NAT10: variants seen among roughly 807,000 people sequenced by gnomAD.
NAT10 encodes RNA cytidine acetyltransferase.
In NAT10, 109 loss-of-function variants were observed where a neutral mutation model predicts 132.2. That is an observed-to-expected ratio of 0.82 (90% CI 0.71 to 0.97). The LOEUF (loss-of-function observed/expected upper bound fraction) is 0.97, where lower values mean the gene tolerates loss of function less well. Ranked by LOEUF, NAT10 falls within the 50% of genes least tolerant of loss-of-function variation. NAT10 has a pLI of 0.00. For synonymous variants in NAT10, 479 were observed against 478.0 expected, an observed-to-expected ratio of 1.00 and a Z score of -0.03; for missense variants, 1,184 against 1,263.4, an observed-to-expected ratio of 0.94 and a Z score of 0.95.
intron 11 of NAT10, among the ~76,000 whole-genome samples, chr11:34,126,389 C>T (rs1223895948): frequency 6.6e-6 from 1 of 152,188 alleles, no homozygotes; most frequent in Non-Finnish European, 1.5e-5. Context: ...CCTCCTTCAG[C>T]TTTCCTTTTT....
rs752348175 is a variant in NAT10 at position 34,124,394 on chromosome 11, T to C, written c.1101T>C (p.Thr367=). The C allele has an allele frequency of 6.2e-7, 1 of 1,612,812 alleles. No individual in the cohort carries two copies. Among genetic ancestry groups the C allele is most frequent in the South Asian group, 1.1e-5 (1 of 91,008 alleles). ...RVNVFREHRQ[T]IQYIHPADAV... ...ATGTATTTCGAGAACACAGGCAGAC[T>C]ATTCAGGTGAGGCTTGTTCTCAGAC... The change falls in exon 11 of 29, where the codon ACT becomes ACC. Residue 367 remains threonine (T), a synonymous_variant. Transcript: ENST00000257829.
intron 25 of NAT10, 39 bp downstream of exon 25, chr11:34,141,247 A>G: frequency 6.2e-7 from 1 of 1,612,098 alleles, no homozygotes; most frequent in East Asian, 2.2e-5. Flanking sequence ...ATGTCTCTCA[A>G]ATAGTGCAAC....
In NAT10 at chr11:34,113,916, T is replaced by A. The variant is rs987254552; in HGVS notation, c.495+78T>A. The A allele has an allele frequency of 1.7e-5, 26 of 1,554,982 alleles. No individual in the cohort carries two copies. In the African/African-American group the frequency reaches 3.3e-4, roughly 20 times the overall value. ...GCTGTGTTCTGCTTTCTTTAAAGAA[T>A]TCCTGTTGGGCAGCTCCAGTGAGTA... On this transcript the variant is annotated intron_variant, in intron 5 of 28. Coordinates refer to ENST00000257829, the MANE Select transcript of NAT10 (RefSeq NM_024662.3).
intron 25 of NAT10, among the ~76,000 whole-genome samples, chr11:34,141,426 A>G (rs922792550): frequency 2.0e-5 from 3 of 151,474 alleles, no homozygotes; most frequent in African/African-American, 4.9e-5. Flanking sequence ...ACACACACAC[A>G]CACACACACA....
At chr11:34,120,875 A>T (rs1225987950) in intron 8 of NAT10, among the ~76,000 whole-genome samples, 1 of 152,080 alleles carries the variant, frequency 6.6e-6, no homozygotes, top group African/African-American at 2.4e-5. Flanking sequence ...CTCATGTAGG[A>T]GGTGATTTTG....
chr11:34,108,217 T>A lies in NAT10; in HGVS notation c.-9T>A. The stretch of plus-strand genomic sequence containing the variant: ...GTATTTCTTTCTCTTTTAGTAATAA[T>A]TTTTCACCATGCATCGGAAAAAGGT... On this transcript the variant is annotated 5_prime_UTR_variant, in exon 2 of 29. Coordinates refer to ENST00000257829, the MANE Select transcript of NAT10 (RefSeq NM_024662.3). 6.2e-7 allele frequency: 1 copy of A among 1,607,970 alleles called. No homozygotes were observed. The highest frequency in any genetic ancestry group is 1.1e-5 in the South Asian group (1 of 90,938).
intron 28 of NAT10, among the ~76,000 whole-genome samples, chr11:34,144,106 T>C (rs1852390932): frequency 6.6e-6 from 1 of 152,172 alleles, no homozygotes; most frequent in Non-Finnish European, 1.5e-5. Context: ...CAAAGGACTT[T>C]TGTTGGTTAT....
At chr11:34,121,532 G>A (rs1331412583) in intron 8 of NAT10, among the ~76,000 whole-genome samples, 1 of 152,050 alleles carries the variant, frequency 6.6e-6, no homozygotes, top group Non-Finnish European at 1.5e-5. Flanking sequence ...TGTACAAATG[G>A]GAATGTACAG....
chr11:34,140,528 T>A lies in NAT10; in HGVS notation c.2548T>A (p.Phe850Ile). Residue 850 changes from phenylalanine (F) to isoleucine (I), a missense_variant, in exon 24 of 29, where the codon TTC becomes ATC. Transcript: ENST00000257829. ...DMIPAISRIY[F>I]LNQLGDLALS... ...GATCCCGGCCATCTCTCGCATCTAT[T>A]TCCTGAACCAGCTGGGGGACCTGGC... 6.2e-7 allele frequency: 1 copy of A among 1,614,178 alleles called. No individual in the cohort carries two copies. The highest frequency in any genetic ancestry group is 8.5e-7 in the Non-Finnish European group (1 of 1,180,016).
chr11:34,142,064 T>C lies in NAT10; in HGVS notation c.2812-211T>C. 5 of 626,156 alleles carry C rather than the reference T, an allele frequency of 8.0e-6. No individual in the cohort carries two copies. In the South Asian group the frequency reaches 1.0e-4, roughly 13 times the overall value. The allele number at this position is 626,156 out of a possible 1,614,324, so 38.8% of individuals were successfully genotyped here. On this transcript the variant is annotated intron_variant, in intron 26 of 28. Transcript: ENST00000257829. ...GTAGGATTCCAGCATCTGTTGGAAA[T>C]GTTTTGTCTTTTTTGGTGACTTCTT...
chr11:34,133,524 A>G (rs974821376), intron 16 of NAT10, among the ~76,000 whole-genome samples: 3 of 152,214 alleles, frequency 2.0e-5, no homozygotes, highest in South Asian at 2.1e-4. Flanking sequence ...ATGCATTTCT[A>G]TATCACTTTT....
chr11:34,117,550 G>T (rs534892629), intron 6 of NAT10, among the ~76,000 whole-genome samples: 28 of 152,184 alleles, frequency 1.8e-4, no homozygotes, highest in Non-Finnish European at 3.5e-4. Flanking sequence ...AACCATCTGT[G>T]ATGCACTAAG....
intron 26 of NAT10, 83 bp from the exon 27 acceptor site, chr11:34,142,192 C>T: frequency 1.6e-6 from 2 of 1,271,926 alleles, no homozygotes; most frequent in Non-Finnish European, 2.3e-6. Context: ...ATCATTGTGC[C>T]ATTCCACCCC....
At chr11:34,122,785 A>G (rs1851918315) in intron 9 of NAT10, among the ~76,000 whole-genome samples, 193 bp downstream of exon 9, 1 of 152,224 alleles carries the variant, frequency 6.6e-6, no homozygotes, top group African/African-American at 2.4e-5. Flanking sequence ...CTAAAGGTGC[A>G]TGTTTACTTG....
At chr11:34,143,323 C>G (rs1322217639) in intron 27 of NAT10, 122 bp from the exon 28 acceptor site, 1 of 822,322 alleles carries the variant, frequency 1.2e-6, no homozygotes, top group Non-Finnish European at 1.9e-6. Context: ...AATGCTGACA[C>G]AGCTCAGCCT....
At chr11:34,131,642 G>T in intron 14 of NAT10, 111 bp downstream of exon 14, 187 of 892,754 alleles carry the variant, frequency 2.1e-4, no homozygotes, top group Non-Finnish European at 2.6e-4. Flanking sequence ...AAAGGGGAAA[G>T]TTGAACATTT....
intron 3 of NAT10, among the ~76,000 whole-genome samples, chr11:34,109,570 T>C (rs186617226): frequency 6.6e-6 from 1 of 152,364 alleles, no homozygotes; most frequent in East Asian, 1.9e-4. Flanking sequence ...GAGCTCTGCC[T>C]CTTCTTCTAC....
intron 21 of NAT10, among the ~76,000 whole-genome samples, chr11:34,138,582 C>T (rs565872136): frequency 2.4e-4 from 36 of 152,140 alleles, no homozygotes; most frequent in Non-Finnish European, 3.4e-4. Context: ...GCAAGGAGAA[C>T]GCAAGCTAGT....
intron 5 of NAT10, 148 bp downstream of exon 5, chr11:34,113,986 G>C: frequency 1.0e-6 from 1 of 960,862 alleles, no homozygotes; most frequent in East Asian, 2.8e-5. Context: ...TTTAACTAAT[G>C]AAAAAGTCAC....
Sources: gnomAD v4.1 joint callset for allele counts (sites outside exome capture counted in the v4.1 genomes callset) on GRCh38, gnomAD v4.1.1 for gene constraint, MANE v1.5 for transcripts, NCBI Gene and HGNC (gene_info 2026-07-23, HGNC 2026-07-21) for gene names.